The following ZZEF1 variants were observed in gnomAD, a reference collection of about 807,000 sequenced individuals.
The protein encoded by ZZEF1 is zinc finger ZZ-type and EF-hand domain containing 1, also known as zinc finger ZZ-type and EF-hand domain-containing protein 1.
Under a neutral mutation model 342.8 loss-of-function variants are expected in ZZEF1, and 157 were observed. The ratio of observed to expected loss-of-function variants is 0.46; its 90% CI spans 0.40 to 0.52. The LOEUF (loss-of-function observed/expected upper bound fraction) is 0.52, where lower values mean the gene tolerates loss of function less well. ZZEF1 is among the 20% of genes least tolerant of loss of function. ZZEF1 has a pLI of 0.00. For missense variants in ZZEF1, 3,480 were observed against 3,725.6 expected (o/e 0.93, Z 1.72); for synonymous variants, 1,505 against 1,429.1 (o/e 1.05, Z -1.20).
chr17:4,131,057 A>C (rs1021117530), intron 1 of ZZEF1, among the ~76,000 whole-genome samples: 4 of 152,298 alleles, frequency 2.6e-5, no homozygotes, highest in Admixed American at 2.6e-4. Flanking sequence ...GTGAGAGAGC[A>C]GAAGAAAATC....
intron 9 of ZZEF1, among the ~76,000 whole-genome samples, chr17:4,096,926 C>G (rs1391252355): frequency 6.6e-6 from 1 of 152,092 alleles, no homozygotes; most frequent in Non-Finnish European, 1.5e-5. Context: ...GCACAATCCC[C>G]TCCACCTCAC....
intron 1 of ZZEF1, among the ~76,000 whole-genome samples, chr17:4,134,706 G>A (rs1006820567): frequency 1.3e-5 from 2 of 151,986 alleles, no homozygotes; most frequent in Admixed American, 6.6e-5. Context: ...GTTAGTACAC[G>A]ATGGAGCTTG....
chr17:4,084,027 C>T (rs2057774388), intron 16 of ZZEF1, among the ~76,000 whole-genome samples: 1 of 152,112 alleles, frequency 6.6e-6, no homozygotes, highest in African/African-American at 2.4e-5. Context: ...TTATTTTTAA[C>T]ACTTCTTTCC....
At chr17:4,132,915 G>A (rs1276963258) in intron 1 of ZZEF1, among the ~76,000 whole-genome samples, 1 of 152,114 alleles carries the variant, frequency 6.6e-6, no homozygotes, top group Non-Finnish European at 1.5e-5. Context: ...GCAGTGAGCT[G>A]AGATCACGCC....
At chr17:4,066,165 T>C (rs1426525117) in intron 28 of ZZEF1, among the ~76,000 whole-genome samples, 1 of 151,894 alleles carries the variant, frequency 6.6e-6, no homozygotes, top group East Asian at 1.9e-4. Flanking sequence ...CGAGACCCCA[T>C]CTCAAAAAAG....
intron 2 of ZZEF1, among the ~76,000 whole-genome samples, chr17:4,119,474 G>A (rs984007793): frequency 6.6e-6 from 1 of 152,204 alleles, no homozygotes; most frequent in African/African-American, 2.4e-5. Context: ...CTACTGGTCA[G>A]GAAGCCAACA....
intron 8 of ZZEF1, among the ~76,000 whole-genome samples, chr17:4,102,743 G>T (rs1364092772): frequency 6.6e-6 from 1 of 152,098 alleles, no homozygotes; most frequent in Admixed American, 6.6e-5. Flanking sequence ...CTAAGATACT[G>T]TTTTGGAGCC....
rs534777324 is a variant in ZZEF1, at chr17:4,032,750, G to A, written c.6759+78C>T. 4.2e-4 allele frequency: 617 copies of A among 1,481,362 alleles called. 1 individual carries two copies. Among genetic ancestry groups the A allele is most frequent in the Non-Finnish European group, 5.3e-4 (571 of 1,078,506 alleles). The allele number at this position is 1,481,362 out of a possible 1,614,324, so 91.8% of individuals were successfully genotyped here. On this transcript the variant is annotated intron_variant, in intron 41 of 54. Transcript: ENST00000381638. ...CAAAGAGATCTATGCCTATATATCC[G>A]GAAGCCACAGAGGCTTTGGTGTGTA...
At chr17:4,121,705 C>A (rs982700184) in intron 2 of ZZEF1, among the ~76,000 whole-genome samples, 3 of 151,720 alleles carry the variant, frequency 2.0e-5, no homozygotes, top group Non-Finnish European at 4.4e-5. Context: ...TAAAGACAAC[C>A]TGAAGGAGAA....
intron 2 of ZZEF1, among the ~76,000 whole-genome samples, chr17:4,120,906 C>G (rs2058472539): frequency 6.6e-6 from 1 of 152,168 alleles, no homozygotes; most frequent in Non-Finnish European, 1.5e-5. Flanking sequence ...AGGTACTGTT[C>G]TCTTTTCTTA....
At chr17:4,118,871 A>G (rs544852392) in intron 2 of ZZEF1, among the ~76,000 whole-genome samples, 26 of 152,342 alleles carry the variant, frequency 1.7e-4, no homozygotes, top group Admixed American at 1.0e-3. Context: ...CGTCTCACCA[A>G]TAAGTCCAGT....
chr17:4,137,780 A>C (rs113811551), intron 1 of ZZEF1, among the ~76,000 whole-genome samples: 19 of 152,368 alleles, frequency 1.2e-4, no homozygotes, highest in African/African-American at 3.6e-4. Flanking sequence ...GTATGCTCTA[A>C]GTGCCAAAGG....
At chr17:4,098,973 T>G (rs2058083238) in intron 9 of ZZEF1, among the ~76,000 whole-genome samples, 1 of 152,174 alleles carries the variant, frequency 6.6e-6, no homozygotes, top group African/African-American at 2.4e-5. Context: ...GTAAAAGAAA[T>G]CTATGTAAAG....
intron 1 of ZZEF1, 110 bp downstream of exon 1, chr17:4,142,432 C>A (rs996322681): frequency 1.0e-5 from 12 of 1,167,922 alleles, no homozygotes; most frequent in Non-Finnish European, 1.4e-5. Flanking sequence ...GCTGGAAACA[C>A]CTCATATGGG....
intron 39 of ZZEF1, among the ~76,000 whole-genome samples, chr17:4,036,776 TACACACACACACACACACACACAC>T (rs761229612): frequency 1.0e-5 from 1 of 99,914 alleles, no homozygotes; most frequent in East Asian, 3.4e-4. Flanking sequence ...ATATATAGAA[TACACACACACACACACACACACAC>T]ACACACACAC....
intron 38 of ZZEF1, 43 bp from the exon 39 acceptor site, chr17:4,042,611 C>T: frequency 6.3e-7 from 1 of 1,599,284 alleles, no homozygotes; most frequent in Non-Finnish European, 8.5e-7. Flanking sequence ...TGCATCTCCA[C>T]ATGTATGAAG....
At chr17:4,138,204 C>T (rs915747075) in intron 1 of ZZEF1, among the ~76,000 whole-genome samples, 1 of 152,192 alleles carries the variant, frequency 6.6e-6, no homozygotes, top group Admixed American at 6.5e-5. Context: ...TGGCAGCCTG[C>T]TGTTGCTTTA....
At position 4,083,572 on chromosome 17, in the gene ZZEF1, G is replaced by C. The variant is rs78840936; in HGVS notation, c.2647-1068C>G. Among the ~76,000 whole-genome samples, 1,297 of 151,754 alleles carry C rather than the reference G, an allele frequency of 8.5e-3. 17 individuals are homozygous for C. The highest frequency in any genetic ancestry group is 0.03 in the African/African-American group (1,239 of 41,324). ...TGGAATAAGTTTTTCCTTGCGGCAG[G>C]TGTCCCCAATTAGACTGCTGCTGCT... is the stretch of plus-strand genomic sequence containing the variant. On this transcript the variant is annotated intron_variant, in intron 16 of 54. Transcript: ENST00000381638.
chr17:4,020,026 T>C (rs567127176), intron 45 of ZZEF1: 3 of 382,608 alleles, frequency 7.8e-6, no homozygotes, highest in African/African-American at 6.4e-5. Flanking sequence ...GTCAACAAAA[T>C]ACAATGCTGA....
Sources: allele counts gnomAD v4.1 joint callset (sites outside exome capture counted in the v4.1 genomes callset), GRCh38; gene constraint gnomAD v4.1.1; transcripts MANE v1.5; gene names NCBI Gene and HGNC (gene_info 2026-07-23, HGNC 2026-07-21).